C12orf42: variants seen among roughly 807,000 people sequenced by gnomAD.
C12orf42 encodes uncharacterized protein C12orf42.
C12orf42 carries 25 observed loss-of-function variants against 21.6 expected under a neutral mutation model. The observed-to-expected ratio is 1.16, with a 90% CI of 0.84 to 1.62. The LOEUF is 1.62. C12orf42 is among the 40% of genes most tolerant of loss of function. The pLI is 0.00. For synonymous variants in C12orf42, 174 were observed against 175.0 expected, an observed-to-expected ratio of 0.99 and a Z score of 0.05; for missense variants, 483 against 459.3, an observed-to-expected ratio of 1.05 and a Z score of -0.47.
intron 2 of C12orf42, among the ~76,000 whole-genome samples, chr12:103,437,358 C>A (rs10778248): frequency 3.3e-5 from 5 of 151,642 alleles, no homozygotes; most frequent in South Asian, 2.1e-4. Context: ...AAAAAGCAAG[C>A]GCAAACACAT....
chr12:103,163,514 A>G, the C12orf42 span, among the ~76,000 whole-genome samples: 1 of 151,934 alleles, frequency 6.6e-6, no homozygotes, highest in African/African-American at 2.4e-5. Flanking sequence ...AGAAAGAGAG[A>G]ACTAGAGAAA....
the C12orf42 span, among the ~76,000 whole-genome samples, chr12:103,543,890 T>G: frequency 9.2e-6 from 1 of 109,044 alleles, no homozygotes; most frequent in African/African-American, 3.3e-5. Flanking sequence ...GTTTTTTTTT[T>G]GTTTTGTTTT....
At chr12:103,518,282 G>A in the C12orf42 span, among the ~76,000 whole-genome samples, 1 of 152,130 alleles carries the variant, frequency 6.6e-6, no homozygotes, top group Non-Finnish European at 1.5e-5. Context: ...GGAATCTGAG[G>A]GCCAAGGAGC....
chr12:103,302,695 A>C (rs1056883615), intron 5 of C12orf42, 136 bp from the exon 6 acceptor site: 84 of 689,248 alleles, frequency 1.2e-4, no homozygotes, highest in Non-Finnish European at 1.8e-4. Flanking sequence ...AAAAAAAAAA[A>C]CCCTGACATG....
the C12orf42 span, among the ~76,000 whole-genome samples, chr12:103,223,958 G>C: frequency 1.3e-5 from 2 of 152,140 alleles, no homozygotes; most frequent in African/African-American, 4.8e-5. Flanking sequence ...AGTTTTCACT[G>C]AATACTAAGA....
chr12:103,519,865 T>C, the C12orf42 span, among the ~76,000 whole-genome samples: 1 of 152,130 alleles, frequency 6.6e-6, no homozygotes, highest in Admixed American at 6.5e-5. Context: ...TGGATCTGAA[T>C]AACCCATGTT....
At chr12:103,269,422 C>A (rs1331786867) in intron 6 of C12orf42, among the ~76,000 whole-genome samples, 1 of 152,054 alleles carries the variant, frequency 6.6e-6, no homozygotes, top group Non-Finnish European at 1.5e-5. Flanking sequence ...GTTTCATCCC[C>A]TAAAACTCAG....
chr12:103,122,135 G>A, the C12orf42 span, among the ~76,000 whole-genome samples: 1 of 152,198 alleles, frequency 6.6e-6, no homozygotes, highest in Non-Finnish European at 1.5e-5. Flanking sequence ...AGTTTGAAAT[G>A]CTTTGAACTC....
chr12:103,279,583 T>C (rs1037031632), intron 4 of C12orf42, among the ~76,000 whole-genome samples: 3 of 152,216 alleles, frequency 2.0e-5, no homozygotes, highest in African/African-American at 7.2e-5. Context: ...TAGTTCACTG[T>C]TCCTGTCAGA....
the C12orf42 span, among the ~76,000 whole-genome samples, chr12:103,212,716 T>C: frequency 6.6e-6 from 1 of 152,166 alleles, no homozygotes; most frequent in Non-Finnish European, 1.5e-5. Flanking sequence ...TTTATCGTTA[T>C]TAGCATAGTT....
the C12orf42 span, among the ~76,000 whole-genome samples, chr12:103,061,851 T>C: frequency 1.3e-5 from 2 of 151,974 alleles, no homozygotes; most frequent in Non-Finnish European, 2.9e-5. Flanking sequence ...CATATTTACT[T>C]ATATTGTTGA....
intron 4 of C12orf42, among the ~76,000 whole-genome samples, chr12:103,280,108 G>C (rs984177580): frequency 2.0e-5 from 3 of 152,118 alleles, no homozygotes; most frequent in Non-Finnish European, 2.9e-5. Flanking sequence ...TTGAGCCCTT[G>C]ACAAATATGA....
intron 4 of C12orf42, among the ~76,000 whole-genome samples, chr12:103,288,642 A>C (rs2136349813): frequency 6.6e-6 from 1 of 152,308 alleles, no homozygotes; most frequent in African/African-American, 2.4e-5. Flanking sequence ...TGCTCTGTAA[A>C]CCACATGCCA....
chr12:103,073,717 T>C, the C12orf42 span, among the ~76,000 whole-genome samples: 2 of 152,026 alleles, frequency 1.3e-5, no homozygotes, highest in Admixed American at 6.6e-5. Flanking sequence ...GGTTGCTCCA[T>C]AAAAAAATAA....
chr12:103,487,442 G>A (rs888121780), intron 1 of C12orf42, among the ~76,000 whole-genome samples: 14 of 152,210 alleles, frequency 9.2e-5, no homozygotes, highest in African/African-American at 3.1e-4. Context: ...TTGATTTGGG[G>A]TGGAGAGTTC....
intron 4 of C12orf42, among the ~76,000 whole-genome samples, chr12:103,345,287 C>G (rs1021100816): frequency 6.6e-6 from 1 of 152,108 alleles, no homozygotes; most frequent in Non-Finnish European, 1.5e-5. Flanking sequence ...CTGTAAAATG[C>G]AGATAATAAT....
intron 5 of C12orf42, among the ~76,000 whole-genome samples, chr12:103,305,535 T>C (rs941804736): frequency 2.0e-5 from 3 of 152,190 alleles, no homozygotes; most frequent in Non-Finnish European, 2.9e-5. Context: ...CTGGGCCATG[T>C]CCTTACTTTG....
intron 10 of C12orf42, among the ~76,000 whole-genome samples, chr12:103,260,704 G>C (rs143439709): frequency 6.6e-6 from 1 of 152,190 alleles, no homozygotes; most frequent in Admixed American, 6.5e-5. Flanking sequence ...TCTTCAGAGC[G>C]ATGGCAAAAT....
chr12:103,450,346 T>C (rs1951860525), intron 2 of C12orf42, among the ~76,000 whole-genome samples: 1 of 152,144 alleles, frequency 6.6e-6, no homozygotes, highest in Non-Finnish European at 1.5e-5. Flanking sequence ...TAATTGATTT[T>C]CTAATGTTAA....
Sources: gnomAD v4.1 joint callset for allele counts (sites outside exome capture counted in the v4.1 genomes callset) on GRCh38, gnomAD v4.1.1 for gene constraint, MANE v1.5 for transcripts, NCBI Gene and HGNC (gene_info 2026-07-23, HGNC 2026-07-21) for gene names.